The following ABTB2 variants were observed in gnomAD, a reference collection of about 807,000 sequenced individuals.
ABTB2 encodes ankyrin repeat and BTB domain containing 2.
A neutral mutation model predicts 104.1 loss-of-function variants in ABTB2; 56 were observed. The observed-to-expected ratio is 0.54, with a 90% CI of 0.43 to 0.67. The LOEUF is 0.67. Ranked by LOEUF, ABTB2 falls within the 30% of genes least tolerant of loss-of-function variation. The pLI is 0.00. For synonymous variants in ABTB2, 606 were observed against 608.2 expected (o/e 1.00, Z 0.05); for missense variants, 1,279 against 1,407.7 (o/e 0.91, Z 1.46).
chr11:34,282,855 A>C (rs1854462781), intron 1 of ABTB2, among the ~76,000 whole-genome samples: 1 of 151,400 alleles, frequency 6.6e-6, no homozygotes, highest in African/African-American at 2.4e-5. Flanking sequence ...TTCATGATCC[A>C]TATTTTTTAA....
At chr11:34,332,076 T>G (rs568906222) in intron 1 of ABTB2, among the ~76,000 whole-genome samples, 1 of 152,370 alleles carries the variant, frequency 6.6e-6, no homozygotes, top group African/African-American at 2.4e-5. Context: ...CTTCCCAGTA[T>G]AGTATGCAAT....
At chr11:34,158,508 G>T (rs904704106) in intron 14 of ABTB2, among the ~76,000 whole-genome samples, 2 of 152,212 alleles carry the variant, frequency 1.3e-5, no homozygotes, top group Non-Finnish European at 2.9e-5. Context: ...AACCACTCCT[G>T]TGCAGGGCAA....
In ABTB2 at chr11:34,313,920, C is replaced by T. The variant is rs80099928; in HGVS notation, c.883+42781G>A. Among the ~76,000 whole-genome samples the T allele has an allele frequency of 8.5e-3, 1,299 of 152,316 alleles. 16 individuals carry two copies. Among genetic ancestry groups the T allele is most frequent in the African/African-American group, 0.027 (1,109 of 41,582 alleles). On this transcript the variant is annotated intron_variant, in intron 1 of 16. Transcript: ENST00000435224. ...AAGGGACTTGCCCCAGCACTGCTGA[C>T]GTTAAGGCCGAGTTCTCCTTCAAGG...
At chr11:34,328,545 C>T (rs1035412267) in intron 1 of ABTB2, among the ~76,000 whole-genome samples, 1 of 152,148 alleles carries the variant, frequency 6.6e-6, no homozygotes, top group Non-Finnish European at 1.5e-5. Flanking sequence ...TAGCACTGTA[C>T]CTGAGCTAGT....
At chr11:34,244,376 C>G (rs570117076) in intron 1 of ABTB2, among the ~76,000 whole-genome samples, 1 of 152,266 alleles carries the variant, frequency 6.6e-6, no homozygotes, top group South Asian at 2.1e-4. Flanking sequence ...AGCAGTTTCA[C>G]CACAATACAA....
intron 1 of ABTB2, among the ~76,000 whole-genome samples, chr11:34,281,793 C>T (rs981567395): frequency 2.6e-5 from 4 of 152,208 alleles, no homozygotes; most frequent in African/African-American, 9.6e-5. Flanking sequence ...TGTGCCTCTT[C>T]TCTTATTCAA....
intron 1 of ABTB2, among the ~76,000 whole-genome samples, chr11:34,287,799 T>A (rs1051997533): frequency 1.3e-5 from 2 of 152,200 alleles, no homozygotes; most frequent in Non-Finnish European, 2.9e-5. Context: ...AACCCTCTCC[T>A]CACTCTGTTT....
chr11:34,335,506 C>A lies in ABTB2; in HGVS notation c.883+21195G>T, dbSNP rs1374748535. ...ATGATTAATTTGCTATTAGCTACTT[C>A]TGGAAACAGTGATTCAAAATCTTTT... On this transcript the variant is annotated intron_variant, in intron 1 of 16. Coordinates refer to ENST00000435224, the MANE Select transcript of ABTB2 (RefSeq NM_145804.3). 6 of 993,300 alleles carry A rather than the reference C, an allele frequency of 6.0e-6. No homozygotes were observed. In the African/African-American group the frequency reaches 7.9e-5, roughly 13 times the overall value. The allele number at this position is 993,300 out of a possible 1,614,324, so 61.5% of individuals were successfully genotyped here.
At position 34,357,428 on chromosome 11, in the gene ABTB2, C is replaced by T; in HGVS notation, c.156G>A (p.Ala52=). 1 of 1,549,010 alleles carries T rather than the reference C, an allele frequency of 6.5e-7. No homozygotes were observed. Residue 52 remains alanine (A), a synonymous_variant, in exon 1 of 17, where the codon GCG becomes GCA. Coordinates refer to ENST00000435224, the MANE Select transcript of ABTB2 (RefSeq NM_145804.3). ...TGGAGCCGGAGTAGCACCACCAGGC[C>T]GCCCCGCGGTGCTGCTGCGCCGAAG... ...LNSSAQQHRG[A]AWWCYSGSMN... is the part of the protein sequence containing the mutation.
At chr11:34,263,784 C>T (rs927713898) in intron 1 of ABTB2, among the ~76,000 whole-genome samples, 3 of 152,208 alleles carry the variant, frequency 2.0e-5, no homozygotes, top group African/African-American at 7.2e-5. Context: ...GGAGCCCTAT[C>T]TCCTAGCCCA....
At chr11:34,198,911 C>A (rs1279207751) in intron 2 of ABTB2, among the ~76,000 whole-genome samples, 1 of 152,152 alleles carries the variant, frequency 6.6e-6, no homozygotes, top group Non-Finnish European at 1.5e-5. Flanking sequence ...AACAGGCGGG[C>A]ACGGCTAACC....
At chr11:34,182,625 G>A (rs569466284) in intron 3 of ABTB2, among the ~76,000 whole-genome samples, 3 of 152,034 alleles carry the variant, frequency 2.0e-5, no homozygotes, top group African/African-American at 7.2e-5. Context: ...ACTAGCTCTG[G>A]GTGATTTCCC....
At chr11:34,173,896 G>A (rs1172486651) in intron 3 of ABTB2, among the ~76,000 whole-genome samples, 1 of 152,190 alleles carries the variant, frequency 6.6e-6, no homozygotes, top group African/African-American at 2.4e-5. Flanking sequence ...TATGGAGGCT[G>A]TCATGAGGCC....
In ABTB2 at chr11:34,154,715, T is replaced by C. The variant is rs2473928; in HGVS notation, c.2752A>G (p.Thr918Ala). 4.4e-3 allele frequency: 7,040 copies of C among 1,614,110 alleles called. 245 individuals are homozygous for C. In the African/African-American group the frequency reaches 0.081, roughly 18 times the overall value. Residue 918 changes from threonine to alanine, a missense_variant, in exon 15 of 17, where the codon ACT becomes GCT. Physicochemically the swap from Thr to Ala is moderately conservative, Grantham distance 58. Transcript: ENST00000435224. The surrounding 1 kb of genome is among the most constrained non-coding windows in gnomAD (Gnocchi z 4.9). Reference protein sequence around the residue: ...GGTESMEIPTTDILELLSAAS... With the variant: ...GGTESMEIPTADILELLSAAS... ...CCGAGTCTCACCTCCAGGATGTCAG[T>C]GGTGGGGATCTCCATGGATTCTGTT... is the stretch of plus-strand genomic sequence containing the variant.
At chr11:34,205,777 C>G (rs926597999) in intron 1 of ABTB2, among the ~76,000 whole-genome samples, 1 of 152,164 alleles carries the variant, frequency 6.6e-6, no homozygotes. Context: ...GTACAGCAGA[C>G]AGGGCTTTGG....
intron 11 of ABTB2, 30 bp downstream of exon 11, chr11:34,160,873 G>A (rs1852708869): frequency 1.3e-6 from 2 of 1,575,342 alleles, no homozygotes; most frequent in African/African-American, 2.7e-5. Flanking sequence ...TGGGCCGTGG[G>A]CTTGGGAACT....
intron 1 of ABTB2, among the ~76,000 whole-genome samples, chr11:34,297,778 A>G (rs998353534): frequency 1.2e-5 from 1 of 82,550 alleles, no homozygotes; most frequent in African/African-American, 9.0e-5. Context: ...AAAAAAAAAA[A>G]AAAAAATAAA....
chr11:34,216,685 G>C (rs1436290629), intron 1 of ABTB2, among the ~76,000 whole-genome samples: 1 of 152,198 alleles, frequency 6.6e-6, no homozygotes, highest in East Asian at 1.9e-4. Flanking sequence ...CGGGAGGCAG[G>C]AGGTTGTAGT....
At chr11:34,198,064 C>G (rs1853284968) in intron 2 of ABTB2, among the ~76,000 whole-genome samples, 1 of 152,202 alleles carries the variant, frequency 6.6e-6, no homozygotes, top group African/African-American at 2.4e-5. Context: ...TGCAATTCCC[C>G]AGAAATATGA....
Sources: gnomAD v4.1 joint callset for allele counts (sites outside exome capture counted in the v4.1 genomes callset) on GRCh38, gnomAD v4.1.1 for gene constraint, Gnocchi (gnomAD v3.1) non-coding constraint, MANE v1.5 for transcripts, NCBI Gene and HGNC (gene_info 2026-07-23, HGNC 2026-07-21) for gene names.